TACC2: variants seen among roughly 807,000 people sequenced by gnomAD.
TACC2 encodes the protein transforming acidic coiled-coil containing protein 2.
Under a neutral mutation model 227.3 loss-of-function variants are expected in TACC2, and 137 were observed. The observed-to-expected ratio is 0.60, with a 90% CI of 0.52 to 0.69. The LOEUF is 0.69. TACC2 is among the 30% of genes least tolerant of loss of function. TACC2 has a pLI of 0.00. For synonymous variants in TACC2, 1,523 were observed against 1,487.5 expected (o/e 1.02, Z -0.55); for missense variants, 3,470 against 3,694.4 (o/e 0.94, Z 1.57).
chr10:122,220,575 G>A (rs1008117618), intron 11 of TACC2, among the ~76,000 whole-genome samples: 2 of 152,196 alleles, frequency 1.3e-5, no homozygotes, highest in Non-Finnish European at 2.9e-5. Flanking sequence ...ACACCCAGGG[G>A]TGCTGATGTG....
chr10:122,249,523 C>A (rs1249035210), intron 21 of TACC2, 21 bp from the exon 22 acceptor site: 2 of 1,611,252 alleles, frequency 1.2e-6, no homozygotes, highest in Non-Finnish European at 1.7e-6. Context: ...AGTGATAATT[C>A]TGAGCTCCCT....
intron 3 of TACC2, among the ~76,000 whole-genome samples, chr10:122,060,861 C>T (rs905825027): frequency 6.6e-5 from 10 of 151,788 alleles, no homozygotes; most frequent in East Asian, 1.9e-4. Context: ...AGAAATTAGC[C>T]GGGCGTGGTG....
intron 7 of TACC2, among the ~76,000 whole-genome samples, chr10:122,156,848 G>A (rs1456324947): frequency 6.6e-6 from 1 of 152,176 alleles, no homozygotes; most frequent in Non-Finnish European, 1.5e-5. Context: ...ACATGACTGG[G>A]CACAGTGTCT....
intron 7 of TACC2, among the ~76,000 whole-genome samples, chr10:122,164,171 A>ATCTGGG (rs2093006224): frequency 6.6e-6 from 1 of 152,164 alleles, no homozygotes; most frequent in Non-Finnish European, 1.5e-5. Flanking sequence ...TGGTAGCCCC[A>ATCTGGG]AGTTACTGCT....
intron 7 of TACC2, among the ~76,000 whole-genome samples, chr10:122,191,192 G>A (rs1321763782): frequency 6.6e-6 from 1 of 151,740 alleles, no homozygotes; most frequent in African/African-American, 2.4e-5. Context: ...ATCATAGCTT[G>A]CTGCAGTCTC....
intron 11 of TACC2, among the ~76,000 whole-genome samples, chr10:122,222,771 G>A (rs578065556): frequency 1.3e-5 from 2 of 152,196 alleles, no homozygotes; most frequent in African/African-American, 2.4e-5. Context: ...GCGGTGGTCT[G>A]TTGCTCGTTT....
intron 7 of TACC2, among the ~76,000 whole-genome samples, chr10:122,153,008 T>TTTTTTTTTTTTTTTTG: frequency 6.6e-6 from 1 of 150,690 alleles, no homozygotes; most frequent in Non-Finnish European, 1.5e-5. Context: ...TCTTTTTTTT[T>TTTTTTTTTTTTTTTTG]TGAGACGGAG....
At chr10:122,247,974 A>G (rs889491426) in intron 19 of TACC2, 2 of 152,252 alleles carry the variant, frequency 1.3e-5, no homozygotes, top group African/African-American at 2.4e-5. Context: ...GCAGAGGACA[A>G]TGGTTCCTCT....
chr10:122,007,749 T>C (rs527517837), intron 1 of TACC2, among the ~76,000 whole-genome samples: 1 of 152,208 alleles, frequency 6.6e-6, no homozygotes, highest in Non-Finnish European at 1.5e-5. Flanking sequence ...AACACTGCTG[T>C]GGTTTGAATG....
intron 3 of TACC2, among the ~76,000 whole-genome samples, chr10:122,065,264 T>A (rs1177644299): frequency 2.0e-5 from 3 of 152,200 alleles, no homozygotes; most frequent in African/African-American, 7.2e-5. Context: ...AATATAGGCA[T>A]TTTAGTGCTA....
intron 1 of TACC2, among the ~76,000 whole-genome samples, chr10:122,018,139 C>A (rs1165136839): frequency 6.6e-6 from 1 of 152,050 alleles, no homozygotes; most frequent in African/African-American, 2.4e-5. Context: ...CATCCCCCAA[C>A]AGGCCCTGGT....
chr10:122,242,284 G>C (rs936151800), intron 19 of TACC2, among the ~76,000 whole-genome samples: 2 of 152,288 alleles, frequency 1.3e-5, no homozygotes, highest in East Asian at 3.9e-4. Context: ...TCTACTTTGT[G>C]GGGAAAGAGA....
intron 2 of TACC2, among the ~76,000 whole-genome samples, chr10:122,029,197 T>G (rs1051741165): frequency 4.0e-5 from 6 of 151,750 alleles, no homozygotes; most frequent in African/African-American, 1.5e-4. Flanking sequence ...GTAATCAAGT[T>G]GAGGAAGTTC....
chr10:122,177,085 A>T (rs117459573), intron 7 of TACC2, among the ~76,000 whole-genome samples: 1 of 152,200 alleles, frequency 6.6e-6, no homozygotes, highest in Non-Finnish European at 1.5e-5. Flanking sequence ...CTTGATGGAT[A>T]TCATTGTGTT....
intron 2 of TACC2, among the ~76,000 whole-genome samples, chr10:122,032,820 G>C (rs766065916): frequency 6.6e-6 from 1 of 152,076 alleles, no homozygotes; most frequent in Non-Finnish European, 1.5e-5. Context: ...TTAGCCGGGC[G>C]TGGTGGCATG....
At chr10:122,191,260 T>C (rs1208457799) in intron 7 of TACC2, among the ~76,000 whole-genome samples, 1 of 152,150 alleles carries the variant, frequency 6.6e-6, no homozygotes, top group East Asian at 1.9e-4. Flanking sequence ...GGATTACAAG[T>C]GTGCACCACG....
At chr10:122,028,678 T>A (rs1013910331) in intron 2 of TACC2, among the ~76,000 whole-genome samples, 1 of 152,048 alleles carries the variant, frequency 6.6e-6, no homozygotes, top group Non-Finnish European at 1.5e-5. Context: ...AAATAGGGGC[T>A]GTTTTATTTA....
chr10:122,060,932 C>A (rs1284355713), intron 3 of TACC2, among the ~76,000 whole-genome samples: 5 of 144,762 alleles, frequency 3.5e-5, no homozygotes, highest in African/African-American at 1.3e-4. Flanking sequence ...TTGAACCCTG[C>A]AGGTGGAGGT....
intron 21 of TACC2, 75 bp from the exon 22 acceptor site, chr10:122,249,469 C>G (rs1365139204): frequency 8.3e-6 from 13 of 1,569,720 alleles, no homozygotes; most frequent in Non-Finnish European, 1.0e-5. Context: ...ACTCTCCCTG[C>G]CTGGACCTGG....
Sources: allele counts gnomAD v4.1 joint callset (sites outside exome capture counted in the v4.1 genomes callset), GRCh38; gene constraint gnomAD v4.1.1; transcripts MANE v1.5; gene names NCBI Gene and HGNC (gene_info 2026-07-23, HGNC 2026-07-21).